SPTBN1: variants seen among roughly 807,000 people sequenced by gnomAD.
SPTBN1 encodes the protein spectrin beta, non-erythrocytic 1.
SPTBN1 carries 32 observed loss-of-function variants against 266.4 expected under a neutral mutation model. That is an observed-to-expected ratio of 0.12 (90% CI 0.09 to 0.16). The LOEUF (loss-of-function observed/expected upper bound fraction) is 0.16. SPTBN1 is among the 10% of genes least tolerant of loss of function. SPTBN1 has a pLI of 1.00. For missense variants in SPTBN1, 2,296 were observed against 3,067.1 expected, an observed-to-expected ratio of 0.75 and a Z score of 5.94; for synonymous variants, 1,336 against 1,162.2, an observed-to-expected ratio of 1.15 and a Z score of -3.04.
intron 32 of SPTBN1, chr2:54,661,247 A>C (rs1225254901): frequency 4.1e-6 from 4 of 985,790 alleles, no homozygotes; most frequent in Non-Finnish European, 4.8e-6. Context: ...CTTAGAAATA[A>C]AAGCTGGTGA....
intron 2 of SPTBN1, among the ~76,000 whole-genome samples, chr2:54,531,303 C>G (rs1009917309): frequency 6.6e-6 from 1 of 152,116 alleles, no homozygotes; most frequent in Non-Finnish European, 1.5e-5. Context: ...ACAATAATGT[C>G]AGGTAGAGGT....
intron 17 of SPTBN1, among the ~76,000 whole-genome samples, chr2:54,636,613 T>TA (rs1259061784): frequency 6.6e-6 from 1 of 152,238 alleles, no homozygotes; most frequent in Non-Finnish European, 1.5e-5. Context: ...AAGCTGCTCT[T>TA]ACTCAGCGTG....
chr2:54,568,138 T>G (rs1558849631), intron 2 of SPTBN1, among the ~76,000 whole-genome samples: 1 of 152,014 alleles, frequency 6.6e-6, no homozygotes, highest in Non-Finnish European at 1.5e-5. Context: ...CCCAGCACTT[T>G]GGGAGGCTGA....
intron 1 of SPTBN1, among the ~76,000 whole-genome samples, chr2:54,518,076 T>C (rs1398127806): frequency 6.6e-6 from 1 of 152,166 alleles, no homozygotes; most frequent in African/African-American, 2.4e-5. Flanking sequence ...TTAATTATCA[T>C]GCCGTGACTT....
At chr2:54,496,785 C>T (rs1668992733) in intron 1 of SPTBN1, among the ~76,000 whole-genome samples, 1 of 152,050 alleles carries the variant, frequency 6.6e-6, no homozygotes, top group Non-Finnish European at 1.5e-5. Context: ...GGAAACAGGC[C>T]CTCTGTACAA....
rs1028880633 is a variant in SPTBN1 at position 54,665,883 on chromosome 2, T to C, written c.6660-32T>C. 3.1e-6 allele frequency: 5 copies of C among 1,588,266 alleles called. No homozygotes were observed. The East Asian group carries it at 9.0e-5, about 28-fold the overall frequency. ...TAAGGGGAATGTGGTAGAGCCTTTATCTCCCCCTGCCCTTTTTTTTAAACT... is the reference window on the plus strand; with the variant it reads ...TAAGGGGAATGTGGTAGAGCCTTTACCTCCCCCTGCCCTTTTTTTTAAACT... On this transcript the variant is annotated intron_variant, in intron 33 of 35. Coordinates refer to ENST00000356805, the MANE Select transcript of SPTBN1 (RefSeq NM_003128.3).
Position 54,649,810 on chromosome 2 carries a change from A to T in SPTBN1, c.5398A>T (p.Ile1800Phe). Residue 1800 changes from isoleucine (I) to phenylalanine (F), a missense_variant, in exon 26 of 36, where the codon ATT (isoleucine) becomes TTT (phenylalanine). Ile to Phe is a conservative substitution (Grantham distance 21). Around this residue, in one of 12 missense-constraint regions of SPTBN1, gnomAD observed 644 missense variants for 745.3 expected, o/e 0.86. Coordinates refer to ENST00000356805, the MANE Select transcript of SPTBN1 (RefSeq NM_003128.3). This position sits in a 1 kb window ranked among gnomAD's most constrained non-coding sequence, Gnocchi z 6.7. ...LLELIDTRTQ[I>F]LAASYELHKF... The stretch of plus-strand genomic sequence containing the variant: ...GGAGCTCATTGACACAAGAACACAG[A>T]TTCTTGCCGCTTCCTATGAACTGCA... The T allele has an allele frequency of 6.2e-7, 1 of 1,614,202 alleles. No individual in the cohort carries two copies. The highest frequency in any genetic ancestry group is 8.5e-7 in the Non-Finnish European group (1 of 1,180,036).
intron 2 of SPTBN1, among the ~76,000 whole-genome samples, chr2:54,547,201 G>A (rs989545121): frequency 6.6e-6 from 1 of 152,100 alleles, no homozygotes; most frequent in African/African-American, 2.4e-5. Context: ...CATACTGCAT[G>A]TAAGTGGAAT....
intron 1 of SPTBN1, among the ~76,000 whole-genome samples, chr2:54,482,068 A>T (rs1668128853): frequency 6.6e-6 from 1 of 152,068 alleles, no homozygotes; most frequent in Non-Finnish European, 1.5e-5. Flanking sequence ...GATGAGTGGG[A>T]TATTTGGCCT....
At chr2:54,522,665 A>AG (rs1670527385) in intron 1 of SPTBN1, among the ~76,000 whole-genome samples, 1 of 98,642 alleles carries the variant, frequency 1.0e-5, no homozygotes, top group African/African-American at 3.7e-5. Context: ...AGAAAGAGAG[A>AG]GAGAGAGAGA....
intron 2 of SPTBN1, among the ~76,000 whole-genome samples, chr2:54,594,270 C>T (rs1471506888): frequency 1.3e-5 from 2 of 151,924 alleles, no homozygotes; most frequent in African/African-American, 4.8e-5. Context: ...GCAGTTAGCC[C>T]TCTGTATCTG....
At chr2:54,569,843 A>G (rs1447462362) in intron 2 of SPTBN1, among the ~76,000 whole-genome samples, 3 of 152,250 alleles carry the variant, frequency 2.0e-5, no homozygotes, top group Non-Finnish European at 4.4e-5. Context: ...AGGGCCCAGC[A>G]GGGTGAGCCT....
chr2:54,576,177 C>T (rs1478480204), intron 2 of SPTBN1, among the ~76,000 whole-genome samples: 6 of 151,096 alleles, frequency 4.0e-5, no homozygotes, highest in African/African-American at 1.5e-4. Flanking sequence ...GCCTCAGCCT[C>T]CCCAGTAGCT....
chr2:54,642,109 G>A (rs1679607522), intron 18 of SPTBN1, among the ~76,000 whole-genome samples: 3 of 152,212 alleles, frequency 2.0e-5, no homozygotes, highest in Middle Eastern at 3.2e-3. Context: ...GGTTAGCAAA[G>A]CAAATGGGGC....
At chr2:54,507,786 A>G (rs1423952343) in intron 1 of SPTBN1, among the ~76,000 whole-genome samples, 1 of 143,680 alleles carries the variant, frequency 7.0e-6, no homozygotes, top group Non-Finnish European at 1.5e-5. Context: ...CTCTTCATTT[A>G]AAAATATAGA....
At chr2:54,567,052 G>C (rs897400453) in intron 2 of SPTBN1, among the ~76,000 whole-genome samples, 3 of 152,234 alleles carry the variant, frequency 2.0e-5, no homozygotes, top group Non-Finnish European at 4.4e-5. Flanking sequence ...CCAGTGAGCA[G>C]CTGTCGTCTG....
chr2:54,581,577 CTTTTTTTTTTTT>C (rs70944181), intron 2 of SPTBN1, among the ~76,000 whole-genome samples: 8 of 102,662 alleles, frequency 7.8e-5, no homozygotes, highest in East Asian at 2.6e-4. Flanking sequence ...TTTCTTTGCC[CTTTTTTTTTTTT>C]TTTTTTTTTT....
chr2:54,517,427 T>A (rs1355258984), intron 1 of SPTBN1, among the ~76,000 whole-genome samples: 1 of 150,306 alleles, frequency 6.7e-6, no homozygotes, highest in East Asian at 1.9e-4. Context: ...ACTCAGGGAA[T>A]GAGAAAGAAA....
chr2:54,669,315 G>T lies in SPTBN1; in HGVS notation c.*746G>T, dbSNP rs1483656758. ...AGTACAAAGTATAATAAAACTAGAT[G>T]TATAATAAACCCTTTAAATCATTGG... On this transcript the variant is annotated 3_prime_UTR_variant, in exon 36 of 36. Coordinates refer to ENST00000356805, the MANE Select transcript of SPTBN1 (RefSeq NM_003128.3). 1 of 151,674 alleles carries T rather than the reference G, an allele frequency of 6.6e-6. No homozygotes were observed. The highest frequency in any genetic ancestry group is 1.5e-5 in the Non-Finnish European group (1 of 67,958). The allele number at this position is 151,674 out of a possible 1,614,324, so 9.4% of individuals were successfully genotyped here. A position where few individuals can be genotyped will look rare whatever the true frequency, so the allele number is the denominator to read the frequency against.
Sources: gnomAD v4.1 joint callset for allele counts (sites outside exome capture counted in the v4.1 genomes callset) on GRCh38, gnomAD v4.1.1 for gene constraint, gnomAD v4.1.1 regional missense constraint, Gnocchi (gnomAD v3.1) non-coding constraint, MANE v1.5 for transcripts, NCBI Gene and HGNC (gene_info 2026-07-23, HGNC 2026-07-21) for gene names.